KIF3B: variants seen among roughly 807,000 people sequenced by gnomAD.
The protein encoded by KIF3B is kinesin family member 3B, also known as kinesin-like protein KIF3B.
In KIF3B, 38 loss-of-function variants were observed where a neutral mutation model predicts 74.3. That is an observed-to-expected ratio of 0.51 (90% CI 0.39 to 0.67). The LOEUF (loss-of-function observed/expected upper bound fraction) is 0.67. KIF3B is among the 30% of genes least tolerant of loss of function. KIF3B has a pLI of 0.00. For synonymous variants in KIF3B, 326 were observed against 342.5 expected, an observed-to-expected ratio of 0.95 and a Z score of 0.53; for missense variants, 649 against 932.0, an observed-to-expected ratio of 0.70 and a Z score of 3.95.
chr20:32,299,158 T>C (rs2047729741), intron 1 of KIF3B, among the ~76,000 whole-genome samples: 1 of 151,904 alleles, frequency 6.6e-6, no homozygotes, highest in African/African-American at 2.4e-5. Context: ...GTAAATATTT[T>C]AGTATTGTAG....
chr20:32,315,935 G>A (rs1286338735), intron 2 of KIF3B, among the ~76,000 whole-genome samples: 4 of 151,806 alleles, frequency 2.6e-5, no homozygotes, highest in Non-Finnish European at 5.9e-5. Context: ...TCTAAGTGGG[G>A]TTAATACTTT....
chr20:32,303,715 T>TAC (rs1311189233), intron 1 of KIF3B, among the ~76,000 whole-genome samples: 1 of 150,772 alleles, frequency 6.6e-6, no homozygotes, highest in East Asian at 2.0e-4. Flanking sequence ...ATTAACCATG[T>TAC]GTGTTGGTGG....
chr20:32,289,488 G>T (rs1348025823), intron 1 of KIF3B, among the ~76,000 whole-genome samples: 1 of 152,088 alleles, frequency 6.6e-6, no homozygotes, highest in Non-Finnish European at 1.5e-5. Context: ...CACCATGCTC[G>T]GCCACTAGTC....
At chr20:32,317,584 T>G (rs2047834402) in intron 5 of KIF3B, among the ~76,000 whole-genome samples, 2 of 151,884 alleles carry the variant, frequency 1.3e-5, no homozygotes, top group African/African-American at 4.8e-5. Flanking sequence ...AAGCAAATCT[T>G]AACCTCATGT....
chr20:32,326,396 T>C (rs557529844), intron 5 of KIF3B, among the ~76,000 whole-genome samples: 80 of 152,314 alleles, frequency 5.3e-4, no homozygotes, highest in Non-Finnish European at 9.8e-4. Flanking sequence ...TCAGCACCAG[T>C]GGCCCTCTGA....
intron 5 of KIF3B, among the ~76,000 whole-genome samples, chr20:32,326,275 T>C (rs1040205804): frequency 7.2e-5 from 11 of 152,200 alleles, no homozygotes; most frequent in African/African-American, 2.7e-4. Flanking sequence ...CTTTTTATCC[T>C]GGTCAGTTAG....
chr20:32,300,401 C>T (rs1161632413), intron 1 of KIF3B, among the ~76,000 whole-genome samples: 2 of 152,046 alleles, frequency 1.3e-5, no homozygotes, highest in Admixed American at 1.3e-4. Flanking sequence ...CCTCAGCCTC[C>T]CGAGTAGCTG....
chr20:32,304,727 A>G (rs1373698381), intron 1 of KIF3B, among the ~76,000 whole-genome samples: 1 of 152,146 alleles, frequency 6.6e-6, no homozygotes, highest in African/African-American at 2.4e-5. Flanking sequence ...TTGCTTATGT[A>G]TCAATGATTT....
intron 1 of KIF3B, among the ~76,000 whole-genome samples, chr20:32,303,333 G>A (rs764985484): frequency 2.6e-5 from 4 of 152,014 alleles, no homozygotes; most frequent in Non-Finnish European, 4.4e-5. Flanking sequence ...GGGAGGCTGA[G>A]TGGGGTGGAT....
intron 2 of KIF3B, among the ~76,000 whole-genome samples, chr20:32,315,433 G>A (rs191024646): frequency 2.1e-4 from 32 of 152,262 alleles, no homozygotes; most frequent in Admixed American, 1.4e-3. Context: ...CTGACTGGGC[G>A]CTGTGCTCAT....
At chr20:32,313,478 T>C (rs909579578) in intron 2 of KIF3B, among the ~76,000 whole-genome samples, 1 of 152,188 alleles carries the variant, frequency 6.6e-6, no homozygotes, top group African/African-American at 2.4e-5. Flanking sequence ...AGTGGCTTCA[T>C]AGTAGCCCTT....
Position 32,309,732 on chromosome 20 carries a change from A to T in KIF3B, c.-46A>T, listed in dbSNP as rs1049246999. ...CTCTAGGACCGTAGCATCCTGAGACATTTTGAATTGACACTTCTCAAGATT... is the reference window on the plus strand; with the variant it reads ...CTCTAGGACCGTAGCATCCTGAGACTTTTTGAATTGACACTTCTCAAGATT... On this transcript the variant is annotated 5_prime_UTR_variant, in exon 2 of 9. Coordinates refer to ENST00000375712, the MANE Select transcript of KIF3B (RefSeq NM_004798.4). The T allele has an allele frequency of 2.5e-6, 4 of 1,576,760 alleles. No homozygotes were observed. In the East Asian group the frequency reaches 9.0e-5, roughly 35 times the overall value.
Position 32,311,051 on chromosome 20 carries a change from A to G in KIF3B, c.1274A>G (p.Lys425Arg), listed in dbSNP as rs756587441. The change falls in exon 2 of 9, where the codon AAG (lysine) becomes AGG (arginine). Residue 425 changes from lysine (K) to arginine (R), a missense_variant. Transcript: ENST00000375712. ...CAGCAAGAAAAACTGGAGATTGAGA[A>G]GCGGGCCATTGTAGAGGATCACAGC... Reference protein sequence around the residue: ...REQQEKLEIEKRAIVEDHSLV... With the variant: ...REQQEKLEIERRAIVEDHSLV... 4 of 1,613,648 alleles carry G rather than the reference A, an allele frequency of 2.5e-6. No individual in the cohort carries two copies. Among genetic ancestry groups the G allele is most frequent in the African/African-American group, 2.7e-5 (2 of 74,988 alleles).
chr20:32,283,638 C>G (rs1432673149), intron 1 of KIF3B, among the ~76,000 whole-genome samples: 2 of 151,886 alleles, frequency 1.3e-5, no homozygotes, highest in African/African-American at 4.8e-5. Flanking sequence ...GGGGAAACCC[C>G]ATCTCTACTG....
chr20:32,290,324 A>C (rs1473166868), intron 1 of KIF3B, among the ~76,000 whole-genome samples: 1 of 152,068 alleles, frequency 6.6e-6, no homozygotes, highest in African/African-American at 2.4e-5. Flanking sequence ...TGGAAGTTGC[A>C]GTGAGCCGAG....
intron 1 of KIF3B, among the ~76,000 whole-genome samples, chr20:32,300,903 A>G (rs1176989908): frequency 2.0e-5 from 3 of 151,676 alleles, no homozygotes; most frequent in African/African-American, 7.3e-5. Context: ...GGCAAGACCT[A>G]GCACCAGGCT....
chr20:32,319,806 G>C (rs2047850131), intron 5 of KIF3B, among the ~76,000 whole-genome samples: 1 of 151,388 alleles, frequency 6.6e-6, no homozygotes, highest in African/African-American at 2.4e-5. Flanking sequence ...GGCTGGTCTT[G>C]AACTCCTAAC....
chr20:32,282,724 T>G (rs1260441521), intron 1 of KIF3B, among the ~76,000 whole-genome samples: 1 of 152,188 alleles, frequency 6.6e-6, no homozygotes, highest in Non-Finnish European at 1.5e-5. Context: ...GGGAGCGGAA[T>G]CACTAGTGAA....
At chr20:32,314,831 T>C (rs1333285046) in intron 2 of KIF3B, among the ~76,000 whole-genome samples, 1 of 151,970 alleles carries the variant, frequency 6.6e-6, no homozygotes, top group Admixed American at 6.6e-5. Context: ...TCCAGGCCCA[T>C]TGTATGTCTA....
Sources: allele counts gnomAD v4.1 joint callset (sites outside exome capture counted in the v4.1 genomes callset), GRCh38; gene constraint gnomAD v4.1.1; transcripts MANE v1.5; gene names NCBI Gene and HGNC (gene_info 2026-07-23, HGNC 2026-07-21).